Variants in ERI1 observed in about 807,000 individuals in gnomAD.
ERI1 encodes exoribonuclease 1.
Under a neutral mutation model 39.7 loss-of-function variants are expected in ERI1, and 39 were observed. The observed-to-expected ratio is 0.98, with a 90% CI of 0.76 to 1.28. The LOEUF (loss-of-function observed/expected upper bound fraction) is 1.28, where lower values mean the gene tolerates loss of function less well. Among genes scored for constraint, ERI1 ranks in the 50% most tolerant of loss-of-function variants. The pLI is 0.00. For synonymous variants in ERI1, 204 were observed against 149.6 expected, an observed-to-expected ratio of 1.36 and a Z score of -2.65; for missense variants, 581 against 416.9, an observed-to-expected ratio of 1.39 and a Z score of -3.43.
chr8:9,078,823 C>G (rs890911635), intron 3 of ERI1, among the ~76,000 whole-genome samples: 1 of 152,142 alleles, frequency 6.6e-6, no homozygotes, highest in Non-Finnish European at 1.5e-5. Flanking sequence ...TCTTTTTTCT[C>G]TTCTTTTGTT....
At position 9,020,445 on chromosome 8, in the gene ERI1, CAT is replaced by C. The variant is rs758315133; in HGVS notation, c.791_792del (p.Tyr264TrpfsTer8). ...AAAAAGTGGATCAATATTCGGAAGT[CAT>C]ATGGAAATTTTTACAAGGTAAAATT... On this transcript the variant is annotated frameshift_variant, in exon 6 of 7. Transcript: ENST00000250263. LOFTEE classifies it high-confidence loss of function. 2.8e-5 allele frequency: 44 copies of C among 1,597,202 alleles called. No individual in the cohort carries two copies. The highest frequency in any genetic ancestry group is 8.0e-5 in the South Asian group (7 of 87,272).
intron 3 of ERI1, among the ~76,000 whole-genome samples, chr8:9,062,385 A>G (rs1798729935): frequency 6.6e-6 from 1 of 151,842 alleles, no homozygotes; most frequent in Non-Finnish European, 1.5e-5. Flanking sequence ...TCAGGGAAGC[A>G]GATAATTTAG....
intron 6 of ERI1, among the ~76,000 whole-genome samples, chr8:9,021,730 A>G (rs1563326719): frequency 6.7e-6 from 1 of 149,310 alleles, no homozygotes; most frequent in African/African-American, 2.5e-5. Flanking sequence ...GGCTTTGAGC[A>G]CGATATAATT....
At chr8:9,085,662 G>T (rs1358902493) in intron 3 of ERI1, among the ~76,000 whole-genome samples, 1 of 151,618 alleles carries the variant, frequency 6.6e-6, no homozygotes. Flanking sequence ...TTTACTATCT[G>T]GCCCTTAACA....
chr8:9,053,573 G>T (rs572921058), intron 3 of ERI1, among the ~76,000 whole-genome samples: 2 of 152,278 alleles, frequency 1.3e-5, no homozygotes, highest in African/African-American at 4.8e-5. Flanking sequence ...GTGCTTTGTT[G>T]AGTTCTATGA....
intron 3 of ERI1, among the ~76,000 whole-genome samples, chr8:9,084,548 T>C (rs1385799181): frequency 2.0e-5 from 3 of 152,122 alleles, no homozygotes; most frequent in Non-Finnish European, 4.4e-5. Context: ...ACACTCAACT[T>C]CAGTTTGGAA....
intron 3 of ERI1, among the ~76,000 whole-genome samples, chr8:9,095,434 T>G (rs73522713): frequency 6.6e-6 from 1 of 152,132 alleles, no homozygotes; most frequent in Non-Finnish European, 1.5e-5. Flanking sequence ...AGTTCAGCAT[T>G]GCAAATTCAA....
chr8:9,003,405 A>G (rs922529798), intron 1 of ERI1, among the ~76,000 whole-genome samples: 1 of 152,362 alleles, frequency 6.6e-6, no homozygotes. Flanking sequence ...AGTTCTGTCT[A>G]CAGTGGGTTA....
At chr8:9,004,284 T>A (rs1815717865) in intron 1 of ERI1, 3 of 1,167,526 alleles carry the variant, frequency 2.6e-6, no homozygotes, top group Non-Finnish European at 3.2e-6. Flanking sequence ...AGATACGTTG[T>A]CAATCTCATC....
rs1342970055 is a variant in ERI1, at chr8:9,008,918, T to C, written c.287+770T>C. 16 of 435,208 alleles carry C rather than the reference T, an allele frequency of 3.7e-5. No homozygotes were observed. The East Asian group carries it at 1.1e-3, about 29-fold the overall frequency. 27.0% of individuals were successfully genotyped at this position (435,208 alleles called of 1,614,324 possible). A position where few individuals can be genotyped will look rare whatever the true frequency, so the allele number is the denominator to read the frequency against. On this transcript the variant is annotated intron_variant, in intron 2 of 6. Transcript: ENST00000250263. ...TCTTAATAGTAGTATTCTTCCTCTT[T>C]AGAGTTTCACCACTCTTCAAAAGAG...
Position 9,016,346 on chromosome 8 carries a change from A to G in ERI1, c.523A>G (p.Arg175Gly). 1 of 1,606,552 alleles carries G rather than the reference A, an allele frequency of 6.2e-7. No homozygotes were observed. The highest frequency in any genetic ancestry group is 8.5e-7 in the Non-Finnish European group (1 of 1,176,206). ...GGAAGACACGTTTCAGCAGTATGTA[A>G]GACCAGAGATTAACACACAGCTGTC... ...EIEDTFQQYV[R>G]PEINTQLSDF... The change falls in exon 4 of 7, where the codon AGA becomes GGA. Residue 175 changes from arginine to glycine, a missense_variant. By Grantham distance (125) the Arg-to-Gly change is moderately radical. Coordinates refer to ENST00000250263, the MANE Select transcript of ERI1 (RefSeq NM_153332.4).
chr8:9,017,615 C>T (rs1362377986), intron 4 of ERI1, among the ~76,000 whole-genome samples: 1 of 152,112 alleles, frequency 6.6e-6, no homozygotes, highest in East Asian at 1.9e-4. Flanking sequence ...TGGGGAAAAA[C>T]ATCCTCAAGT....
At chr8:9,093,411 A>G (rs959854226) in intron 3 of ERI1, among the ~76,000 whole-genome samples, 2 of 151,590 alleles carry the variant, frequency 1.3e-5, no homozygotes, top group African/African-American at 4.9e-5. Context: ...TAATATGTGA[A>G]TTTTGGGGGC....
In ERI1 at chr8:9,015,388, G is replaced by T. The variant is rs755791718; in HGVS notation, c.499-934G>T. Among the ~76,000 whole-genome samples, 13 of 152,058 alleles carry T rather than the reference G, an allele frequency of 8.5e-5. 1 individual carries two copies. Among genetic ancestry groups the T allele is most frequent in the Admixed American group, 2.0e-4 (3 of 15,270 alleles). ...TGTCCTTAATCTCAAAATTGACTCA[G>T]TGTGTTCTGGTTAGGGAGGCATTAC... On this transcript the variant is annotated intron_variant, in intron 3 of 6. Transcript: ENST00000250263.
intron 3 of ERI1, among the ~76,000 whole-genome samples, chr8:9,089,613 T>C (rs138260243): frequency 2.4e-3 from 360 of 152,270 alleles, no homozygotes; most frequent in Admixed American, 5.2e-3. Flanking sequence ...TGGCTCTACC[T>C]TCAGAACTCC....
At chr8:9,045,133 G>A (rs1172874896) in intron 3 of ERI1, among the ~76,000 whole-genome samples, 2 of 150,886 alleles carry the variant, frequency 1.3e-5, no homozygotes, top group African/African-American at 4.9e-5. Context: ...CTACTCTGGA[G>A]GCTGAGGCAG....
At chr8:9,009,164 GC>G (rs1346218787) in intron 2 of ERI1, 2 of 444,054 alleles carry the variant, frequency 4.5e-6, no homozygotes, top group African/African-American at 2.0e-5. Flanking sequence ...TATTCAACAA[GC>G]CTGTATTGAA....
At chr8:9,007,528 T>G (rs1434199509) in intron 1 of ERI1, among the ~76,000 whole-genome samples, 1 of 152,224 alleles carries the variant, frequency 6.6e-6, no homozygotes, top group African/African-American at 2.4e-5. Flanking sequence ...AGGGGTCTGA[T>G]ACACATAATC....
chr8:9,010,324 A>G (rs1036900130), intron 2 of ERI1, among the ~76,000 whole-genome samples: 2 of 152,182 alleles, frequency 1.3e-5, no homozygotes, highest in Admixed American at 6.5e-5. Flanking sequence ...CAACCAATAA[A>G]AAGATAAAAA....
Sources: allele counts gnomAD v4.1 joint callset (sites outside exome capture counted in the v4.1 genomes callset), GRCh38; gene constraint gnomAD v4.1.1; transcripts MANE v1.5; gene names NCBI Gene and HGNC (gene_info 2026-07-23, HGNC 2026-07-21).